The following CISTR variants were observed in gnomAD, a reference collection of about 807,000 sequenced individuals.
The protein encoded by CISTR is chondrogenesis-associated transcript, also known as chondrogenic regulator lncRNA.
chr12:53,751,774 CT>C lies in CISTR; in HGVS notation n.415-810del. On this transcript the variant is annotated intron_variant and non_coding_transcript_variant, in intron 1 of 2. Transcript: ENST00000669269. This position sits in a 1 kb window ranked among gnomAD's most constrained non-coding sequence, Gnocchi z 4.6. ...CCGCATTTCTGCACCATCCACCTGC[CT>C]TTTTCAGTGTCCTTGAGATGACGCT... is the stretch of plus-strand genomic sequence containing the variant. 6.6e-6 allele frequency: 1 copy of C among 152,630 alleles called. No homozygotes were observed. Among genetic ancestry groups the C allele is most frequent in the Non-Finnish European group, 1.5e-5 (1 of 68,180 alleles). 9.5% of individuals were successfully genotyped at this position (152,630 alleles called of 1,614,324 possible). A position where few individuals can be genotyped will look rare whatever the true frequency, so the allele number is the denominator to read the frequency against.
chr12:53,748,708 C>T (rs910173778), intron 2 of CISTR, among the ~76,000 whole-genome samples: 1 of 152,196 alleles, frequency 6.6e-6, no homozygotes, highest in African/African-American at 2.4e-5. Context: ...GCCAAAGGCA[C>T]ACTGACCCAG....
In CISTR at chr12:53,756,326, G is replaced by C. The variant is rs910129719; in HGVS notation, n.414+488C>G. Among the ~76,000 whole-genome samples, 3 of 152,218 alleles carry C rather than the reference G, an allele frequency of 2.0e-5. No homozygotes were observed. The highest frequency in any genetic ancestry group is 7.2e-5 in the African/African-American group (3 of 41,448). ...TCCCTCTTACCTCCCCAAAGTAAGAGAACGGAGTAGAGAGGAGTGGGAAAA... is the reference window on the plus strand; with the variant it reads ...TCCCTCTTACCTCCCCAAAGTAAGACAACGGAGTAGAGAGGAGTGGGAAAA... On this transcript the variant is annotated intron_variant and non_coding_transcript_variant, in intron 1 of 2. Transcript: ENST00000669269. This position sits in a 1 kb window ranked among gnomAD's most constrained non-coding sequence, Gnocchi z 4.0.
exon 3 of CISTR, among the ~76,000 whole-genome samples, chr12:53,746,452 C>T (rs1445978405): frequency 6.6e-6 from 1 of 152,154 alleles, no homozygotes; most frequent in African/African-American, 2.4e-5. Context: ...CAGTTATCAG[C>T]TGGGACCCTA....
intron 2 of CISTR, among the ~76,000 whole-genome samples, chr12:53,748,590 C>T (rs1937808342): frequency 6.6e-6 from 1 of 152,122 alleles, no homozygotes; most frequent in African/African-American, 2.4e-5. Context: ...ATCGAAGACT[C>T]ACACAAGGCC....
In CISTR at chr12:53,756,953, G is replaced by A. The variant is rs1298545408; in HGVS notation, n.275C>T. 1 of 152,282 alleles carries A rather than the reference G, an allele frequency of 6.6e-6. No homozygotes were observed. Among genetic ancestry groups the A allele is most frequent in the African/African-American group, 2.4e-5 (1 of 41,378 alleles). The allele number at this position is 152,282 out of a possible 1,614,324, so 9.4% of individuals were successfully genotyped here. On this transcript the variant is annotated non_coding_transcript_exon_variant, in exon 1 of 3. Transcript: ENST00000669269. This position sits in a 1 kb window ranked among gnomAD's most constrained non-coding sequence, Gnocchi z 4.0. Reference sequence around the variant, plus strand: ...TGTGTGGATAAAAAGGAGGGGAGAGGGAGGAACTGTGGCCCTTGGAAACTA... The same window carrying A: ...TGTGTGGATAAAAAGGAGGGGAGAGAGAGGAACTGTGGCCCTTGGAAACTA...
intron 2 of CISTR, among the ~76,000 whole-genome samples, chr12:53,750,186 T>C (rs1477593863): frequency 6.6e-6 from 1 of 152,122 alleles, no homozygotes; most frequent in Non-Finnish European, 1.5e-5. Flanking sequence ...CAAGTGCAAA[T>C]GACTAGGGCA....
At chr12:53,754,486 T>A (rs1464650773) in intron 1 of CISTR, 1 of 152,214 alleles carries the variant, frequency 6.6e-6, no homozygotes, top group Admixed American at 6.5e-5. Context: ...GATTCCTGGC[T>A]ACTTACCAGT....
chr12:53,751,174 A>G lies in CISTR; in HGVS notation n.415-209T>C, dbSNP rs1279993023. ...TCCTGGCCCACAGGCCTCCGCACGC[A>G]CAGGACACACACACACACTCTCTCC... On this transcript the variant is annotated intron_variant and non_coding_transcript_variant, in intron 1 of 2. Transcript: ENST00000669269. This position sits in a 1 kb window ranked among gnomAD's most constrained non-coding sequence, Gnocchi z 4.6. Among the ~76,000 whole-genome samples the G allele has an allele frequency of 6.6e-6, 1 of 151,826 alleles. No individual in the cohort carries two copies. Among genetic ancestry groups the G allele is most frequent in the Non-Finnish European group, 1.5e-5 (1 of 67,916 alleles).
At position 53,751,281 on chromosome 12, in the gene CISTR, C is replaced by T. The variant is rs1326858636; in HGVS notation, n.415-316G>A. 6.6e-6 allele frequency among the ~76,000 whole-genome samples: 1 copy of T among 152,112 alleles called. No homozygotes were observed. The highest frequency in any genetic ancestry group is 2.1e-4 in the South Asian group (1 of 4,830). ...CCAACGCCTGCAGGGGTTGGGGGCGCTGGGGCTCGGGGCGCTCACTCGGAC... is the reference window on the plus strand; with the variant it reads ...CCAACGCCTGCAGGGGTTGGGGGCGTTGGGGCTCGGGGCGCTCACTCGGAC... On this transcript the variant is annotated intron_variant and non_coding_transcript_variant, in intron 1 of 2. Transcript: ENST00000669269. The surrounding 1 kb of genome is among the most constrained non-coding windows in gnomAD (Gnocchi z 4.6).
chr12:53,749,395 G>A (rs1037021579), intron 2 of CISTR, among the ~76,000 whole-genome samples: 1 of 151,906 alleles, frequency 6.6e-6, no homozygotes, highest in Non-Finnish European at 1.5e-5. Flanking sequence ...GGGCTGTTGA[G>A]AGGGAGGCAG....
At chr12:53,747,436 G>T (rs1259464215) in intron 2 of CISTR, among the ~76,000 whole-genome samples, 1 of 152,188 alleles carries the variant, frequency 6.6e-6, no homozygotes, top group Non-Finnish European at 1.5e-5. Flanking sequence ...AACCCAGTGG[G>T]CCAAGCTCCG....
At chr12:53,748,874 C>T (rs1393472683) in intron 2 of CISTR, among the ~76,000 whole-genome samples, 2 of 152,012 alleles carry the variant, frequency 1.3e-5, no homozygotes, top group African/African-American at 4.8e-5. Context: ...GTAGAGGTTG[C>T]AGGGGGTGAG....
intron 1 of CISTR, among the ~76,000 whole-genome samples, chr12:53,753,665 G>GGTGTGTGTGTGT (rs55769002): frequency 2.5e-4 from 35 of 141,314 alleles, no homozygotes; most frequent in African/African-American, 7.5e-4. Context: ...AATGCATAGG[G>GGTGTGTGTGTGT]GTGTGTGTGT....
At position 53,752,101 on chromosome 12, in the gene CISTR, G is replaced by A. The variant is rs147305690; in HGVS notation, n.415-1136C>T. 6.8e-4 allele frequency among the ~76,000 whole-genome samples: 104 copies of A among 152,146 alleles called. 2 individuals carry two copies. The East Asian group carries it at 0.02, about 29-fold the overall frequency. On this transcript the variant is annotated intron_variant and non_coding_transcript_variant, in intron 1 of 2. Coordinates refer to ENST00000669269, the Ensembl canonical transcript of CISTR. ...GGGCTCCTCGCTGCCCGCTGGCGCT[G>A]CCTACACCCCCTTGGGCTCCCCTCC...
At chr12:53,755,387 C>G (rs1041993884) in intron 1 of CISTR, among the ~76,000 whole-genome samples, 3 of 151,676 alleles carry the variant, frequency 2.0e-5, no homozygotes, top group African/African-American at 7.3e-5. Context: ...TTCATTTTCC[C>G]TAGCATTTAC....
At position 53,756,726 on chromosome 12, in the gene CISTR, A is replaced by ATG. The variant is rs35849779; in HGVS notation, n.414+86_414+87dup. 19,292 of 132,344 alleles carry ATG rather than the reference A, an allele frequency of 0.15. 1,543 individuals are homozygous for ATG. Among genetic ancestry groups the ATG allele is most frequent in the East Asian group, 0.31 (1,296 of 4,200 alleles). The allele number at this position is 132,344 out of a possible 1,614,324, so 8.2% of individuals were successfully genotyped here. ...AGTCAGAGTGGGCTGTGGGTCAGTG[A>ATG]TGTGTGTGTGTGTGTGTGTGTGTGT... On this transcript the variant is annotated intron_variant and non_coding_transcript_variant, in intron 1 of 2. Transcript: ENST00000669269. The surrounding 1 kb of genome is among the most constrained non-coding windows in gnomAD (Gnocchi z 4.0).
intron 2 of CISTR, among the ~76,000 whole-genome samples, chr12:53,749,304 G>A (rs959381791): frequency 1.3e-5 from 2 of 151,922 alleles, no homozygotes; most frequent in African/African-American, 4.8e-5. Flanking sequence ...GTGTGTGTGT[G>A]TGTGTATATA....
intron 1 of CISTR, among the ~76,000 whole-genome samples, chr12:53,753,921 G>C (rs890898322): frequency 6.6e-6 from 1 of 152,140 alleles, no homozygotes; most frequent in Non-Finnish European, 1.5e-5. Flanking sequence ...GGGCTGGGTA[G>C]GCAAGAAGCT....
At chr12:53,748,536 G>A (rs926394297) in intron 2 of CISTR, among the ~76,000 whole-genome samples, 8 of 152,146 alleles carry the variant, frequency 5.3e-5, no homozygotes, top group Non-Finnish European at 1.5e-5. Context: ...CCTAGAGACA[G>A]GACAGAGCCA....
Sources: gnomAD v4.1 joint callset for allele counts (sites outside exome capture counted in the v4.1 genomes callset) on GRCh38, gnomAD v4.1.1 for gene constraint, Gnocchi (gnomAD v3.1) non-coding constraint, MANE v1.5 for transcripts, NCBI Gene and HGNC (gene_info 2026-07-23, HGNC 2026-07-21) for gene names.